Variants in BRD10 observed in about 807,000 individuals in gnomAD.
BRD10 encodes the protein uncharacterized bromodomain-containing protein 10.
chr9:6,007,232 C>G, the BRD10 span: 1 of 1,613,836 alleles, frequency 6.2e-7, no homozygotes, highest in Non-Finnish European at 8.5e-7. Flanking sequence ...AGCATCATCT[C>G]CAGCTTCTGG....
chr9:5,969,462 A>C, the BRD10 span: 5 of 1,394,326 alleles, frequency 3.6e-6, no homozygotes, highest in Non-Finnish European at 4.8e-6. Flanking sequence ...AAATTATACT[A>C]TTATTATTCA....
At chr9:5,985,874 C>T in the BRD10 span, among the ~76,000 whole-genome samples, 1 of 151,992 alleles carries the variant, frequency 6.6e-6, no homozygotes, top group Non-Finnish European at 1.5e-5. Flanking sequence ...GATGGGGTAT[C>T]TTCTATAACA....
the BRD10 span, among the ~76,000 whole-genome samples, chr9:5,951,305 AT>A: frequency 7.0e-6 from 1 of 141,948 alleles, no homozygotes; most frequent in Non-Finnish European, 1.5e-5. Context: ...AGGTCAAAAC[AT>A]TTTTAAAAAC....
chr9:6,007,976 G>A, the BRD10 span: 1 of 1,290,530 alleles, frequency 7.7e-7, no homozygotes, highest in Non-Finnish European at 9.8e-7. Flanking sequence ...GCGGGGCGGG[G>A]TTACATGGCG....
chr9:5,914,484 C>T, the BRD10 span, among the ~76,000 whole-genome samples: 342 of 122,976 alleles, frequency 2.8e-3, 1 homozygote, highest in African/African-American at 9.8e-3. Context: ...AGAGCAGTGA[C>T]GCAATCTTGG....
chr9:5,929,023 A>G, the BRD10 span: 1 of 1,282,716 alleles, frequency 7.8e-7, no homozygotes, highest in Non-Finnish European at 1.1e-6. Context: ...TAAGTAAAAC[A>G]GATTATAACA....
At chr9:5,942,182 T>C in the BRD10 span, among the ~76,000 whole-genome samples, 12 of 152,190 alleles carry the variant, frequency 7.9e-5, no homozygotes, top group East Asian at 1.2e-3. Context: ...TGTCTGACAA[T>C]AGTGAAGGAA....
chr9:5,887,440 A>G, the BRD10 span, among the ~76,000 whole-genome samples: 1 of 152,148 alleles, frequency 6.6e-6, no homozygotes, highest in Non-Finnish European at 1.5e-5. Flanking sequence ...GTCAGCTCAC[A>G]TCACCAGAGA....
At chr9:5,995,280 C>G in the BRD10 span, among the ~76,000 whole-genome samples, 2 of 152,184 alleles carry the variant, frequency 1.3e-5, no homozygotes, top group African/African-American at 4.8e-5. Context: ...GAGAAAACGG[C>G]AGTTTTTAAG....
At chr9:5,961,468 G>T in the BRD10 span, among the ~76,000 whole-genome samples, 1 of 151,908 alleles carries the variant, frequency 6.6e-6, no homozygotes, top group Non-Finnish European at 1.5e-5. Context: ...TTTTTGCTCT[G>T]AGTTTTTTTT....
At chr9:5,947,416 T>C in the BRD10 span, among the ~76,000 whole-genome samples, 2 of 152,200 alleles carry the variant, frequency 1.3e-5, no homozygotes, top group African/African-American at 4.8e-5. Context: ...CTAATGAGTA[T>C]GAAAATACAA....
At chr9:5,955,307 CA>C in the BRD10 span, among the ~76,000 whole-genome samples, 3 of 151,886 alleles carry the variant, frequency 2.0e-5, no homozygotes, top group African/African-American at 7.3e-5. Flanking sequence ...CACAAGGGCA[CA>C]AAAAATATTC....
At chr9:5,880,266 C>T in the BRD10 span, among the ~76,000 whole-genome samples, 27 of 151,816 alleles carry the variant, frequency 1.8e-4, no homozygotes, top group Non-Finnish European at 3.8e-4. Context: ...CAAATCCCAG[C>T]ACTTTGGGAG....
the BRD10 span, among the ~76,000 whole-genome samples, chr9:5,878,946 G>C: frequency 6.6e-6 from 1 of 152,216 alleles, no homozygotes; most frequent in East Asian, 1.9e-4. Flanking sequence ...CTTGGAAGGA[G>C]ATTCTGGGCA....
chr9:6,000,511 G>A, the BRD10 span, among the ~76,000 whole-genome samples: 13 of 152,064 alleles, frequency 8.5e-5, no homozygotes, highest in Admixed American at 7.9e-4. Flanking sequence ...CTGCTCTAGT[G>A]TTCTTCTGGG....
the BRD10 span, among the ~76,000 whole-genome samples, chr9:5,988,097 A>G: frequency 2.6e-5 from 4 of 152,348 alleles, no homozygotes; most frequent in African/African-American, 9.6e-5. Context: ...TCACTTGAGA[A>G]TGAATACTAC....
the BRD10 span, among the ~76,000 whole-genome samples, chr9:5,905,068 C>T: frequency 6.6e-5 from 10 of 152,150 alleles, no homozygotes; most frequent in South Asian, 2.1e-4. Flanking sequence ...CCACCGTGCC[C>T]GGCCTTATAC....
At chr9:5,996,519 G>C in the BRD10 span, among the ~76,000 whole-genome samples, 1 of 152,078 alleles carries the variant, frequency 6.6e-6, no homozygotes, top group Non-Finnish European at 1.5e-5. Context: ...GGATTTCACA[G>C]GGTCTCTCAC....
At chr9:5,963,852 A>G in the BRD10 span, among the ~76,000 whole-genome samples, 2 of 151,972 alleles carry the variant, frequency 1.3e-5, no homozygotes, top group Non-Finnish European at 2.9e-5. Context: ...GGCTAGCCAT[A>G]TGTAGGAAGC....
Sources: allele counts gnomAD v4.1 joint callset (sites outside exome capture counted in the v4.1 genomes callset), GRCh38; gene constraint gnomAD v4.1.1; transcripts MANE v1.5; gene names NCBI Gene and HGNC (gene_info 2026-07-23, HGNC 2026-07-21).